Variants in SNAP47 observed in about 807,000 individuals in gnomAD.
SNAP47 encodes the protein synaptosomal-associated protein 47.
In SNAP47, 20 loss-of-function variants were observed where a neutral mutation model predicts 31.4. The ratio of observed to expected loss-of-function variants is 0.64; its 90% CI spans 0.45 to 0.93. The LOEUF (loss-of-function observed/expected upper bound fraction) is 0.93, where lower values mean the gene tolerates loss of function less well. Among genes scored for constraint, SNAP47 ranks in the 40% least tolerant of loss-of-function variants. SNAP47 has a pLI of 0.00. For missense variants in SNAP47, 492 were observed against 528.5 expected, an observed-to-expected ratio of 0.93 and a Z score of 0.68; for synonymous variants, 194 against 213.4, an observed-to-expected ratio of 0.91 and a Z score of 0.79.
At chr1:227,767,519 A>G (rs1204007590) in intron 4 of SNAP47, among the ~76,000 whole-genome samples, 1 of 148,994 alleles carries the variant, frequency 6.7e-6, no homozygotes, top group Non-Finnish European at 1.5e-5. Flanking sequence ...GTGTATGTGC[A>G]TGTGCATGTG....
At chr1:227,759,547 C>G (rs1662933666) in intron 3 of SNAP47, 62 bp downstream of exon 3, 2 of 1,567,092 alleles carry the variant, frequency 1.3e-6, no homozygotes, top group Non-Finnish European at 1.7e-6. Flanking sequence ...GCAGACTCAG[C>G]ACGCCTGTGG....
chr1:227,732,707 C>T, upstream of SNAP47: 1 of 1,606,790 alleles, frequency 6.2e-7, no homozygotes, highest in Non-Finnish European at 8.5e-7. Context: ...AGTGAGCTAA[C>T]ACCATGGACA....
chr1:227,780,402 G>T, intron 4 of SNAP47, 125 bp from the exon 5 acceptor site: 1 of 1,377,510 alleles, frequency 7.3e-7, no homozygotes, highest in Non-Finnish European at 9.8e-7. Context: ...CCTCCTGCTG[G>T]CTCGCAGATG....
At chr1:227,733,727 G>A, upstream of SNAP47, 1 of 1,597,920 alleles carries the variant, frequency 6.3e-7, no homozygotes, top group East Asian at 2.2e-5. Flanking sequence ...GGGCTGGTAT[G>A]GGCTTTGCTT....
intron 1 of SNAP47, chr1:227,746,393 T>A (rs1571998597): frequency 6.6e-6 from 1 of 152,386 alleles, no homozygotes; most frequent in South Asian, 2.1e-4. Flanking sequence ...GACGACATAT[T>A]GTGCGTTCTC....
At chr1:227,756,114 T>C (rs1662679376) in intron 2 of SNAP47, among the ~76,000 whole-genome samples, 3 of 152,262 alleles carry the variant, frequency 2.0e-5, no homozygotes, top group African/African-American at 7.2e-5. Context: ...CTCCTGAGGC[T>C]GTGTCACTGG....
intron 4 of SNAP47, among the ~76,000 whole-genome samples, chr1:227,777,862 T>A (rs1428447050): frequency 6.6e-6 from 1 of 152,196 alleles, no homozygotes; most frequent in African/African-American, 2.4e-5. Flanking sequence ...TGACCCGGGA[T>A]GTGGTCTGGG....
intron 4 of SNAP47, among the ~76,000 whole-genome samples, chr1:227,775,576 C>A (rs12749163): frequency 6.6e-6 from 1 of 152,244 alleles, no homozygotes; most frequent in Non-Finnish European, 1.5e-5. Context: ...GCACTGTCTT[C>A]CCGGGCTGCT....
At chr1:227,747,619 A>C in intron 1 of SNAP47, 73 bp from the exon 2 acceptor site, 3 of 1,469,538 alleles carry the variant, frequency 2.0e-6, no homozygotes, top group Non-Finnish European at 2.8e-6. Flanking sequence ...CAGGGGAGGC[A>C]GCATCCTTGT....
upstream of SNAP47, chr1:227,732,151 C>A (rs888316221): frequency 3.4e-6 from 2 of 584,944 alleles, no homozygotes; most frequent in Non-Finnish European, 6.1e-6. Context: ...GGTCCTGGCA[C>A]CATCTCCGAG....
chr1:227,763,622 C>G lies in SNAP47; in HGVS notation c.989-3337C>G, dbSNP rs940016452. On this transcript the variant is annotated intron_variant, in intron 3 of 4. Coordinates refer to ENST00000617596, the MANE Select transcript of SNAP47 (RefSeq NM_053052.4). This position sits in a 1 kb window ranked among gnomAD's most constrained non-coding sequence, Gnocchi z 4.2. ...ACTGGGGAGCCTGGGGGTACTGCAT[C>G]AGCTGGCCTGGAGCCTATCAGAGGA... is the stretch of plus-strand genomic sequence containing the variant. Among the ~76,000 whole-genome samples the G allele has an allele frequency of 6.6e-6, 1 of 152,200 alleles. No homozygotes were observed. Among genetic ancestry groups the G allele is most frequent in the African/African-American group, 2.4e-5 (1 of 41,450 alleles).
At position 227,780,825 on chromosome 1, in the gene SNAP47, G is replaced by T; in HGVS notation, c.*152G>T. On this transcript the variant is annotated 3_prime_UTR_variant, in exon 5 of 5. Transcript: ENST00000617596. ...ACTGTGGGGCTGCTTCTGCACCAGGGGCCTCCCCAGGTGTGCACCATGCCT... is the reference window on the plus strand; with the variant it reads ...ACTGTGGGGCTGCTTCTGCACCAGGTGCCTCCCCAGGTGTGCACCATGCCT... The T allele has an allele frequency of 9.2e-7, 1 of 1,081,524 alleles. No individual in the cohort carries two copies. 67.0% of individuals were successfully genotyped at this position (1,081,524 alleles called of 1,614,324 possible). A position where few individuals can be genotyped will look rare whatever the true frequency, so the allele number is the denominator to read the frequency against.
In SNAP47 at chr1:227,741,682, G is replaced by A. The variant is rs1035483468; in HGVS notation, c.-45-6010G>A. Among the ~76,000 whole-genome samples the A allele has an allele frequency of 1.3e-5, 2 of 152,136 alleles. No homozygotes were observed. The highest frequency in any genetic ancestry group is 6.5e-5 in the Admixed American group (1 of 15,282). Reference sequence around the variant, plus strand: ...GGCCTTGGAGGTGAAAAGGGACCACGTTCTCCTGTGGCCTCTGTGTGGGGC... The same window carrying A: ...GGCCTTGGAGGTGAAAAGGGACCACATTCTCCTGTGGCCTCTGTGTGGGGC... On this transcript the variant is annotated intron_variant, in intron 1 of 4. Coordinates refer to ENST00000617596, the MANE Select transcript of SNAP47 (RefSeq NM_053052.4). This position sits in a 1 kb window ranked among gnomAD's most constrained non-coding sequence, Gnocchi z 4.2.
At chr1:227,734,699 T>C (rs201330178), upstream of SNAP47, 14 of 1,613,598 alleles carry the variant, frequency 8.7e-6, no homozygotes, top group East Asian at 8.9e-5. Flanking sequence ...GGGAGAGGAG[T>C]AGCCCGCCTG....
At chr1:227,732,744 T>C (rs1350931785), upstream of SNAP47, 25 of 1,595,550 alleles carry the variant, frequency 1.6e-5, no homozygotes. Flanking sequence ...GGACCCGACA[T>C]GCGCCCAGTC....
chr1:227,732,470 G>A (rs1188879836), upstream of SNAP47: 1 of 1,613,312 alleles, frequency 6.2e-7, no homozygotes. Flanking sequence ...ACGCGCTGGT[G>A]TCCACTCTCT....
At chr1:227,732,004 CA>C (rs922361487), upstream of SNAP47, 3 of 278,470 alleles carry the variant, frequency 1.1e-5, no homozygotes, top group African/African-American at 2.2e-5. Flanking sequence ...AGGGCAGAGC[CA>C]GGGGTGGTCC....
At position 227,780,671 on chromosome 1, in the gene SNAP47, TA is replaced by T; in HGVS notation, c.1259del (p.Ter420TrpfsTer122). ...KHNRRMKRLT* is the reference protein window; with the variant it reads ...KHNRRMKRLTX ...CAACAGGCGGATGAAGAGGCTGACCTAGGGGCAGAACGTCCCTGCATTCCTG... is the reference window on the plus strand; with the variant it reads ...CAACAGGCGGATGAAGAGGCTGACCTGGGGCAGAACGTCCCTGCATTCCTG... On this transcript the variant is annotated frameshift_variant and stop_lost, in exon 5 of 5. Transcript: ENST00000617596. LOFTEE classifies it high-confidence loss of function. 2 of 1,614,070 alleles carry T rather than the reference TA, an allele frequency of 1.2e-6. No homozygotes were observed. Among genetic ancestry groups the T allele is most frequent in the Non-Finnish European group, 1.7e-6 (2 of 1,179,986 alleles).
rs752447443 is a variant in SNAP47 at position 227,759,087 on chromosome 1, C to T, written c.590C>T (p.Ser197Phe). 3 of 1,614,172 alleles carry T rather than the reference C, an allele frequency of 1.9e-6. No homozygotes were observed. Among genetic ancestry groups the T allele is most frequent in the Non-Finnish European group, 2.5e-6 (3 of 1,180,040 alleles). The stretch of plus-strand genomic sequence containing the variant: ...GAAACAAAGCCCAGGGAAGATGTCT[C>T]CATGACCAGTTGTGAACCCTTTGGG... Reference protein sequence around the residue: ...PPETKPREDVSMTSCEPFGKE... With the variant: ...PPETKPREDVFMTSCEPFGKE... The change falls in exon 3 of 5, where the codon TCC becomes TTC. Residue 197 changes from serine to phenylalanine, a missense_variant. Ser to Phe is a radical substitution (Grantham distance 155, BLOSUM62 -2). Transcript: ENST00000617596.
Sources: gnomAD v4.1 joint callset for allele counts (sites outside exome capture counted in the v4.1 genomes callset) on GRCh38, gnomAD v4.1.1 for gene constraint, Gnocchi (gnomAD v3.1) non-coding constraint, MANE v1.5 for transcripts, NCBI Gene and HGNC (gene_info 2026-07-23, HGNC 2026-07-21) for gene names.